Variants in CALR3 observed in about 807,000 individuals in gnomAD.
CALR3 encodes calreticulin-3.
In CALR3, 39 loss-of-function variants were observed where a neutral mutation model predicts 48.7. That is an observed-to-expected ratio of 0.80 (90% CI 0.62 to 1.05). The LOEUF is 1.05. CALR3 is among the 50% of genes least tolerant of loss of function. CALR3 has a pLI of 0.00. For missense variants in CALR3, 449 were observed against 474.7 expected, an observed-to-expected ratio of 0.95 and a Z score of 0.50; for synonymous variants, 185 against 172.7, an observed-to-expected ratio of 1.07 and a Z score of -0.56.
chr19:16,495,725 C>T, intron 2 of CALR3, 26 bp downstream of exon 2: 5 of 1,558,550 alleles, frequency 3.2e-6, no homozygotes, highest in South Asian at 1.1e-5. Context: ...ACATTAGGCT[C>T]AATTTGGTCC....
At position 16,492,221 on chromosome 19, in the gene CALR3, C is replaced by T. The variant is rs1404417219; in HGVS notation, c.194-1651G>A. Among the ~76,000 whole-genome samples the T allele has an allele frequency of 3.9e-5, 6 of 152,138 alleles. 1 individual carries two copies. The highest frequency in any genetic ancestry group is 4.4e-5 in the Non-Finnish European group (3 of 68,020). On this transcript the variant is annotated intron_variant, in intron 2 of 8. Coordinates refer to ENST00000269881, the MANE Select transcript of CALR3 (RefSeq NM_145046.5). ...TCTGTAATCTCAACACTTTGGGAGG[C>T]TGAGCCGGGTGGATCACTTGAAGTC...
intron 2 of CALR3, among the ~76,000 whole-genome samples, chr19:16,492,975 G>A (rs762047276): frequency 9.2e-5 from 14 of 152,170 alleles, no homozygotes; most frequent in Non-Finnish European, 1.5e-4. Context: ...AGGTTGTGGT[G>A]AGCAGAGATC....
chr19:16,488,495 C>T (rs1243541407), intron 3 of CALR3, among the ~76,000 whole-genome samples: 2 of 150,508 alleles, frequency 1.3e-5, no homozygotes, highest in Admixed American at 6.6e-5. Flanking sequence ...ACCTCCACCT[C>T]CCAGGTTCAA....
At chr19:16,483,458 C>T (rs1043240687) in intron 5 of CALR3, among the ~76,000 whole-genome samples, 1 of 152,144 alleles carries the variant, frequency 6.6e-6, no homozygotes, top group African/African-American at 2.4e-5. Flanking sequence ...TGGCTCACAC[C>T]TGTAATCCCA....
intron 5 of CALR3, 109 bp from the exon 6 acceptor site, chr19:16,482,894 G>A: frequency 9.8e-7 from 1 of 1,018,754 alleles, no homozygotes; most frequent in Non-Finnish European, 1.5e-6. Context: ...ACCCAGGCTG[G>A]AGTGCGGTTG....
intron 2 of CALR3, among the ~76,000 whole-genome samples, chr19:16,495,131 C>G (rs2093404539): frequency 6.7e-6 from 1 of 148,396 alleles, no homozygotes; most frequent in African/African-American, 2.5e-5. Context: ...AAGCCTGAAG[C>G]AAGAGAATCA....
At chr19:16,479,306 C>T in intron 8 of CALR3, 32 bp from the exon 9 acceptor site, 1 of 1,613,114 alleles carries the variant, frequency 6.2e-7, no homozygotes, top group South Asian at 1.1e-5. Flanking sequence ...ATAAGCCCCA[C>T]CGGGTGCGAT....
At chr19:16,490,182 T>G (rs999782732) in intron 3 of CALR3, among the ~76,000 whole-genome samples, 185 bp downstream of exon 3, 3 of 152,152 alleles carry the variant, frequency 2.0e-5, no homozygotes, top group African/African-American at 7.2e-5. Context: ...ACAGTTGCCT[T>G]TTTATATTAA....
intron 8 of CALR3, 127 bp from the exon 9 acceptor site, chr19:16,479,401 C>T (rs1320098046): frequency 2.7e-5 from 28 of 1,020,592 alleles, no homozygotes; most frequent in Middle Eastern, 2.9e-4. Flanking sequence ...CCGGCTAACA[C>T]GGTGAAACAC....
intron 3 of CALR3, 131 bp downstream of exon 3, chr19:16,490,236 C>G (rs1599720823): frequency 2.6e-6 from 2 of 776,388 alleles, no homozygotes; most frequent in East Asian, 5.2e-5. Flanking sequence ...AATACTACTA[C>G]AAACCTTGGA....
rs557232322 is a variant in CALR3, at chr19:16,484,174, T to C, written c.493-59A>G. The C allele has an allele frequency of 5.6e-6, 8 of 1,431,488 alleles. No individual in the cohort carries two copies. In the Admixed American group the frequency reaches 1.7e-4, roughly 31 times the overall value. The allele number at this position is 1,431,488 out of a possible 1,614,324, so 88.7% of individuals were successfully genotyped here. A position where few individuals can be genotyped will look rare whatever the true frequency, so the allele number is the denominator to read the frequency against. ...AATCCTCAATTTCTTTTTTCTTTTC[T>C]TTTCTTTTTTTTTTTTTTTTTGAGA... On this transcript the variant is annotated intron_variant, in intron 4 of 8. Coordinates refer to ENST00000269881, the MANE Select transcript of CALR3 (RefSeq NM_145046.5).
chr19:16,484,485 A>G (rs999153591), intron 4 of CALR3, among the ~76,000 whole-genome samples: 1 of 151,706 alleles, frequency 6.6e-6, no homozygotes, highest in African/African-American at 2.4e-5. Context: ...CCAACTCTCG[A>G]TGTTTTAATG....
intron 8 of CALR3, among the ~76,000 whole-genome samples, chr19:16,479,978 G>A (rs1463167781): frequency 6.6e-6 from 1 of 151,870 alleles, no homozygotes; most frequent in Non-Finnish European, 1.5e-5. Flanking sequence ...GCCGAGGCAG[G>A]CAGATCATGA....
intron 4 of CALR3, among the ~76,000 whole-genome samples, chr19:16,484,921 T>C (rs2093386925): frequency 1.3e-5 from 2 of 152,154 alleles, no homozygotes; most frequent in South Asian, 4.1e-4. Context: ...GGGCAAATGA[T>C]GACATGTCAT....
chr19:16,488,607 C>T (rs1467057521), intron 3 of CALR3, among the ~76,000 whole-genome samples: 1 of 152,000 alleles, frequency 6.6e-6, no homozygotes, highest in Non-Finnish European at 1.5e-5. Flanking sequence ...AGGGTTTTAC[C>T]ATGTTAGCCA....
chr19:16,485,385 T>C (rs1361374588), intron 3 of CALR3, 128 bp from the exon 4 acceptor site: 1 of 663,408 alleles, frequency 1.5e-6, no homozygotes, highest in East Asian at 2.9e-5. Context: ...AGTGCAGTGA[T>C]CTTGGCTCAC....
intron 2 of CALR3, among the ~76,000 whole-genome samples, chr19:16,494,282 A>T (rs889265272): frequency 6.6e-6 from 1 of 152,078 alleles, no homozygotes; most frequent in Non-Finnish European, 1.5e-5. Context: ...GGCTGGTCTC[A>T]AACTCCTGAC....
intron 3 of CALR3, among the ~76,000 whole-genome samples, chr19:16,487,568 C>T (rs945716827): frequency 1.3e-5 from 2 of 150,480 alleles, no homozygotes; most frequent in Non-Finnish European, 3.0e-5. Flanking sequence ...AAGTGATCCT[C>T]CCTTGATGTT....
intron 3 of CALR3, among the ~76,000 whole-genome samples, chr19:16,486,619 CA>C (rs59111886): frequency 0.015 from 1,894 of 123,568 alleles, 15 homozygotes; most frequent in African/African-American, 0.029. Context: ...GATTCTATCT[CA>C]AAAAAAAAAA....
Sources: allele counts gnomAD v4.1 joint callset (sites outside exome capture counted in the v4.1 genomes callset), GRCh38; gene constraint gnomAD v4.1.1; transcripts MANE v1.5; gene names NCBI Gene and HGNC (gene_info 2026-07-23, HGNC 2026-07-21).